The following CLSTN1 variants were observed in gnomAD, a reference collection of about 807,000 sequenced individuals.
CLSTN1 encodes calsyntenin-1.
A neutral mutation model predicts 108.3 loss-of-function variants in CLSTN1; 28 were observed. That is an observed-to-expected ratio of 0.26 (90% CI 0.19 to 0.35). CLSTN1 has a LOEUF of 0.35. Ranked by LOEUF, CLSTN1 falls within the 10% of genes least tolerant of loss-of-function variation. The probability of loss-of-function intolerance (pLI) is 1.00; values close to 1 mark genes in which losing one functional copy is unlikely to be tolerated. For synonymous variants in CLSTN1, 524 were observed against 534.9 expected (o/e 0.98, Z 0.28); for missense variants, 1,157 against 1,302.6 (o/e 0.89, Z 1.72).
At chr1:9,760,735 C>T (rs1259569450) in intron 2 of CLSTN1, among the ~76,000 whole-genome samples, 1 of 137,012 alleles carries the variant, frequency 7.3e-6, no homozygotes, top group Non-Finnish European at 1.5e-5. Flanking sequence ...CACCATGTTG[C>T]CCAGGCTGGT....
chr1:9,741,923 C>T (rs531851972), intron 9 of CLSTN1, among the ~76,000 whole-genome samples: 7 of 152,046 alleles, frequency 4.6e-5, no homozygotes, highest in East Asian at 1.9e-4. Flanking sequence ...TCCCCACCGC[C>T]GACAAAAAAG....
intron 1 of CLSTN1, among the ~76,000 whole-genome samples, chr1:9,822,636 G>T (rs1199238842): frequency 6.6e-6 from 1 of 152,074 alleles, no homozygotes; most frequent in African/African-American, 2.4e-5. Context: ...AAATGTTTAC[G>T]ATTTCAAGAT....
rs202155496 is a variant in CLSTN1 at position 9,751,641 on chromosome 1, C to T, written c.481G>A (p.Ala161Thr). The change falls in exon 5 of 19, where the codon GCG becomes ACG. Residue 161 changes from alanine to threonine, a missense_variant. Transcript: ENST00000377298. Reference protein sequence around the residue: ...HIQVNDVNEYAPVFKEKSYKA... With the variant: ...HIQVNDVNEYTPVFKEKSYKA... ...TAGGACTTCTCCTTGAACACGGGCGCGTACTCATTCACGTCGTTCACCTGA... is the reference window on the plus strand; with the variant it reads ...TAGGACTTCTCCTTGAACACGGGCGTGTACTCATTCACGTCGTTCACCTGA... 13 of 1,614,080 alleles carry T rather than the reference C, an allele frequency of 8.1e-6. No homozygotes were observed. Among genetic ancestry groups the T allele is most frequent in the East Asian group, 2.2e-5 (1 of 44,878 alleles).
chr1:9,740,175 T>C (rs1471388985), intron 10 of CLSTN1, among the ~76,000 whole-genome samples: 3 of 152,052 alleles, frequency 2.0e-5, no homozygotes, highest in African/African-American at 7.2e-5. Flanking sequence ...TTCTCCTGCC[T>C]GAGCCTCTCG....
chr1:9,731,973 C>A, intron 16 of CLSTN1, 77 bp from the exon 17 acceptor site: 1 of 1,578,508 alleles, frequency 6.3e-7, no homozygotes, highest in African/African-American at 1.3e-5. Context: ...AGTCCCGCAG[C>A]TGGCATGACC....
intron 7 of CLSTN1, among the ~76,000 whole-genome samples, chr1:9,747,682 G>A (rs1651346576): frequency 6.6e-6 from 1 of 151,910 alleles, no homozygotes; most frequent in South Asian, 2.1e-4. Context: ...TTTTAGTAGA[G>A]CGGGGGTTTC....
chr1:9,808,054 C>G (rs924644400), intron 1 of CLSTN1, among the ~76,000 whole-genome samples: 1 of 152,186 alleles, frequency 6.6e-6, no homozygotes, highest in African/African-American at 2.4e-5. Context: ...AGCGCCTCAC[C>G]GCTGGTTTAC....
Position 9,730,667 on chromosome 1 carries a change from TTCCTCC to T in CLSTN1, c.2781_2786del (p.Glu934_Glu935del), listed in dbSNP as rs753542464. Reference sequence around the variant, plus strand: ...CCTCGCTTTCCTCTTCCTCTTCCTCTTCCTCCTCCTCCTCACTGCTGTGCTGGTCCT... The same window carrying T: ...CCTCGCTTTCCTCTTCCTCTTCCTCTTCCTCCTCACTGCTGTGCTGGTCCT... On this transcript the variant is annotated inframe_deletion, in exon 19 of 19. Coordinates refer to ENST00000377298, the MANE Select transcript of CLSTN1 (RefSeq NM_001009566.3). This position sits in a 1 kb window ranked among gnomAD's most constrained non-coding sequence, Gnocchi z 5.6. 5.7e-5 allele frequency: 92 copies of T among 1,608,944 alleles called. No homozygotes were observed. Among genetic ancestry groups the T allele is most frequent in the South Asian group, 2.4e-4 (22 of 90,958 alleles).
intron 2 of CLSTN1, among the ~76,000 whole-genome samples, chr1:9,757,753 T>C (rs987168350): frequency 6.6e-6 from 1 of 152,140 alleles, no homozygotes; most frequent in African/African-American, 2.4e-5. Flanking sequence ...CAAGTCAATA[T>C]ATATCCTGCT....
intron 2 of CLSTN1, among the ~76,000 whole-genome samples, chr1:9,767,573 A>G (rs1652404260): frequency 6.6e-6 from 1 of 151,554 alleles, no homozygotes. Context: ...TGCTGAAAAG[A>G]ATCGGAGAAA....
chr1:9,780,955 CAT>C lies in CLSTN1; in HGVS notation c.92-7563_92-7562del, dbSNP rs1196734415. 4.7e-5 allele frequency: 21 copies of C among 444,434 alleles called. No homozygotes were observed. The East Asian group carries it at 6.8e-4, about 14-fold the overall frequency. The allele number at this position is 444,434 out of a possible 1,614,324, so 27.5% of individuals were successfully genotyped here. A position where few individuals can be genotyped will look rare whatever the true frequency, so the allele number is the denominator to read the frequency against. ...CCTGCATCTTGACTTTGATCCATCA[CAT>C]GAGGTGTGGAATTTTCCACTGTGGT... On this transcript the variant is annotated intron_variant, in intron 1 of 18. Transcript: ENST00000377298.
At chr1:9,760,232 T>C (rs978459757) in intron 2 of CLSTN1, among the ~76,000 whole-genome samples, 1 of 152,220 alleles carries the variant, frequency 6.6e-6, no homozygotes, top group Non-Finnish European at 1.5e-5. Context: ...CCAGTACTTA[T>C]TCAATTGCTA....
In CLSTN1 at chr1:9,806,327, T is replaced by C. The variant is rs185854946; in HGVS notation, c.91+17316A>G. ...GAAAATACAAACAAACAAAAACACA[T>C]AACCACAAGCTCTTTAAAGTCCATG... On this transcript the variant is annotated intron_variant, in intron 1 of 18. Transcript: ENST00000377298. Among the ~76,000 whole-genome samples the C allele has an allele frequency of 7.2e-5, 11 of 152,062 alleles. No homozygotes were observed. The East Asian group carries it at 2.1e-3, about 29-fold the overall frequency.
chr1:9,816,451 T>C (rs1345900918), intron 1 of CLSTN1, among the ~76,000 whole-genome samples: 1 of 152,092 alleles, frequency 6.6e-6, no homozygotes, highest in African/African-American at 2.4e-5. Context: ...TTGTGCAACT[T>C]TGTAAATATA....
intron 1 of CLSTN1, chr1:9,781,319 A>G: frequency 1.6e-6 from 1 of 618,406 alleles, no homozygotes; most frequent in African/African-American, 1.9e-5. Context: ...AGAATGTACA[A>G]TGATACTGAA....
intron 1 of CLSTN1, among the ~76,000 whole-genome samples, chr1:9,785,351 G>A (rs1387678652): frequency 6.6e-6 from 1 of 151,130 alleles, no homozygotes; most frequent in Non-Finnish European, 1.5e-5. Context: ...TTTTTCCAAA[G>A]ACTGAACACT....
chr1:9,757,531 G>A (rs1045823440), intron 2 of CLSTN1, among the ~76,000 whole-genome samples: 3 of 152,058 alleles, frequency 2.0e-5, no homozygotes, highest in African/African-American at 4.8e-5. Context: ...GTGAGCCACC[G>A]CACCCAGCCG....
intron 2 of CLSTN1, among the ~76,000 whole-genome samples, chr1:9,769,707 T>A (rs1652571789): frequency 6.6e-6 from 1 of 152,084 alleles, no homozygotes. Context: ...GGTGCATGGT[T>A]TTTGGAACAT....
At chr1:9,786,362 C>T (rs1309082815) in intron 1 of CLSTN1, among the ~76,000 whole-genome samples, 3 of 152,092 alleles carry the variant, frequency 2.0e-5, no homozygotes, top group Non-Finnish European at 2.9e-5. Flanking sequence ...AAAGGTGAGG[C>T]TGGGCGCGGT....
Sources: allele counts gnomAD v4.1 joint callset (sites outside exome capture counted in the v4.1 genomes callset), GRCh38; gene constraint gnomAD v4.1.1; non-coding constraint Gnocchi (gnomAD v3.1); transcripts MANE v1.5; gene names NCBI Gene and HGNC (gene_info 2026-07-23, HGNC 2026-07-21).